DLG2: variants seen among roughly 807,000 people sequenced by gnomAD.
DLG2 encodes discs large MAGUK scaffold protein 2.
In DLG2, 45 loss-of-function variants were observed where a neutral mutation model predicts 132.5. The observed-to-expected ratio is 0.34, with a 90% CI of 0.27 to 0.44. The LOEUF (loss-of-function observed/expected upper bound fraction) is 0.44. Ranked by LOEUF, DLG2 falls within the 20% of genes least tolerant of loss-of-function variation. The pLI, the probability that DLG2 is intolerant of heterozygous loss-of-function variation, is 1.00. For missense variants in DLG2, 1,045 were observed against 1,196.9 expected, an observed-to-expected ratio of 0.87 and a Z score of 1.87; for synonymous variants, 424 against 419.6, an observed-to-expected ratio of 1.01 and a Z score of -0.13.
At position 84,518,251 on chromosome 11, in the gene DLG2, T is replaced by A. The variant is rs576574432; in HGVS notation, c.519+16319A>T. Among the ~76,000 whole-genome samples, 37 of 90,034 alleles carry A rather than the reference T, an allele frequency of 4.1e-4. 7 individuals carry two copies. The highest frequency in any genetic ancestry group is 1.4e-3 in the African/African-American group (32 of 22,288). 59.1% of individuals were successfully genotyped at this position (90,034 alleles called of 152,430 possible). On this transcript the variant is annotated intron_variant, in intron 7 of 27. Transcript: ENST00000376104. Reference sequence around the variant, plus strand: ...CTACTACAGATATCACACACTGATCTTTTTGCAATGAAGAATGATTTTTGA... The same window carrying A: ...CTACTACAGATATCACACACTGATCATTTTGCAATGAAGAATGATTTTTGA...
intron 6 of DLG2, among the ~76,000 whole-genome samples, chr11:84,926,028 A>T (rs1035670618): frequency 1.3e-5 from 2 of 152,138 alleles, no homozygotes; most frequent in African/African-American, 2.4e-5. Context: ...ACAAACTGGG[A>T]AACTATTTAC....
chr11:84,595,445 T>C (rs2099554297), intron 6 of DLG2, among the ~76,000 whole-genome samples: 1 of 151,692 alleles, frequency 6.6e-6, no homozygotes, highest in Non-Finnish European at 1.5e-5. Context: ...GACTTAGTCA[T>C]TGTCAGAGCT....
At chr11:85,608,569 A>G (rs1288035561) in intron 2 of DLG2, among the ~76,000 whole-genome samples, 1 of 152,098 alleles carries the variant, frequency 6.6e-6, no homozygotes. Flanking sequence ...TAGCCTCCCT[A>G]CAGCTCCCCT....
rs1223387518 is a variant in DLG2, at chr11:85,583,156, A to G, written c.40+15501T>C. The stretch of plus-strand genomic sequence containing the variant: ...TATATATATATATATATATATATAT[A>G]TATATATATATATGTTTTGTTTGTT... On this transcript the variant is annotated intron_variant, in intron 3 of 27. Transcript: ENST00000376104. 2.7e-3 allele frequency among the ~76,000 whole-genome samples: 317 copies of G among 116,782 alleles called. 1 individual carries two copies. The highest frequency in any genetic ancestry group is 9.1e-3 in the African/African-American group (280 of 30,906). 76.6% of individuals were successfully genotyped at this position (116,782 alleles called of 152,430 possible). A position where few individuals can be genotyped will look rare whatever the true frequency, so the allele number is the denominator to read the frequency against.
intron 6 of DLG2, among the ~76,000 whole-genome samples, chr11:85,008,651 T>A (rs1377158428): frequency 6.6e-6 from 1 of 152,070 alleles, no homozygotes; most frequent in Non-Finnish European, 1.5e-5. Flanking sequence ...AGTTTAACTA[T>A]ATATAACCTA....
At chr11:84,018,168 G>A (rs2095274990) in intron 11 of DLG2, among the ~76,000 whole-genome samples, 1 of 151,556 alleles carries the variant, frequency 6.6e-6, no homozygotes, top group Non-Finnish European at 1.5e-5. Flanking sequence ...TCCTAGTGAG[G>A]ATCCAGTTAC....
At chr11:83,608,486 T>C (rs1417901326) in intron 19 of DLG2, among the ~76,000 whole-genome samples, 4 of 152,178 alleles carry the variant, frequency 2.6e-5, no homozygotes, top group Non-Finnish European at 5.9e-5. Context: ...AGATTTTGGA[T>C]TTTCAGATTT....
intron 3 of DLG2, among the ~76,000 whole-genome samples, chr11:85,377,676 C>T (rs1381310021): frequency 1.3e-5 from 2 of 151,318 alleles, no homozygotes; most frequent in Non-Finnish European, 2.9e-5. Flanking sequence ...GGACTCAAGC[C>T]CCAAATTAAG....
chr11:84,880,630 G>A (rs1353608726), intron 6 of DLG2, among the ~76,000 whole-genome samples: 1 of 152,108 alleles, frequency 6.6e-6, no homozygotes, highest in East Asian at 1.9e-4. Flanking sequence ...TATCTCCCAT[G>A]TTATAAGTAC....
intron 7 of DLG2, among the ~76,000 whole-genome samples, chr11:84,350,782 T>C (rs2098561918): frequency 6.6e-6 from 1 of 152,198 alleles, no homozygotes; most frequent in African/African-American, 2.4e-5. Flanking sequence ...TTCATACTTA[T>C]TAAAATTTGG....
chr11:83,796,174 T>A (rs538445071), intron 17 of DLG2, among the ~76,000 whole-genome samples: 7 of 152,338 alleles, frequency 4.6e-5, no homozygotes, highest in African/African-American at 1.7e-4. Context: ...TGAATAATAT[T>A]TTCTCACTGC....
At chr11:84,355,552 C>T (rs2098606389) in intron 7 of DLG2, among the ~76,000 whole-genome samples, 1 of 152,084 alleles carries the variant, frequency 6.6e-6, no homozygotes, top group Non-Finnish European at 1.5e-5. Context: ...GATTCCCCAG[C>T]CTCCAGAACT....
At chr11:85,446,666 A>G (rs1042675164) in intron 3 of DLG2, among the ~76,000 whole-genome samples, 3 of 152,128 alleles carry the variant, frequency 2.0e-5, no homozygotes, top group Non-Finnish European at 2.9e-5. Context: ...AAAATTATGT[A>G]GCGTGAATCA....
At chr11:85,462,699 T>G (rs553328097) in intron 3 of DLG2, among the ~76,000 whole-genome samples, 3 of 151,958 alleles carry the variant, frequency 2.0e-5, no homozygotes, top group Non-Finnish European at 4.4e-5. Context: ...ATACCTAATG[T>G]TAAATGACGA....
At chr11:84,445,999 A>T (rs187036197) in intron 7 of DLG2, among the ~76,000 whole-genome samples, 1 of 150,744 alleles carries the variant, frequency 6.6e-6, no homozygotes, top group African/African-American at 2.4e-5. Context: ...TATTCTCTTA[A>T]ATTCTGTTAT....
At chr11:83,577,332 TAGG>T (rs1267221398) in intron 19 of DLG2, among the ~76,000 whole-genome samples, 1 of 149,398 alleles carries the variant, frequency 6.7e-6, no homozygotes, top group Non-Finnish European at 1.5e-5. Flanking sequence ...TTAGTTCTAA[TAGG>T]AGATATATAT....
At chr11:84,389,156 G>A (rs1021171212) in intron 7 of DLG2, among the ~76,000 whole-genome samples, 1 of 152,064 alleles carries the variant, frequency 6.6e-6, no homozygotes, top group African/African-American at 2.4e-5. Flanking sequence ...ACATTTCTGA[G>A]GTTTCCTCAG....
At chr11:83,737,821 T>G (rs1436898848) in intron 18 of DLG2, among the ~76,000 whole-genome samples, 1 of 152,122 alleles carries the variant, frequency 6.6e-6, no homozygotes, top group Non-Finnish European at 1.5e-5. Context: ...AGTGTGGTGG[T>G]GGGTGCCTGT....
chr11:83,640,492 T>A (rs2066195132), intron 18 of DLG2, among the ~76,000 whole-genome samples: 1 of 152,328 alleles, frequency 6.6e-6, no homozygotes, highest in East Asian at 1.9e-4. Flanking sequence ...GATGAGATGC[T>A]GTGAGCAATT....
Sources: gnomAD v4.1 joint callset for allele counts (sites outside exome capture counted in the v4.1 genomes callset) on GRCh38, gnomAD v4.1.1 for gene constraint, MANE v1.5 for transcripts, NCBI Gene and HGNC (gene_info 2026-07-23, HGNC 2026-07-21) for gene names.